Variants in PNPT1 observed in about 807,000 individuals in gnomAD.
The protein encoded by PNPT1 is polyribonucleotide nucleotidyltransferase 1.
In PNPT1, 53 loss-of-function variants were observed where a neutral mutation model predicts 119.5. That is an observed-to-expected ratio of 0.44 (90% CI 0.36 to 0.56). The LOEUF (loss-of-function observed/expected upper bound fraction) is 0.56, where lower values mean the gene tolerates loss of function less well. Among genes scored for constraint, PNPT1 ranks in the 20% least tolerant of loss-of-function variants. The pLI is 0.00. For missense variants in PNPT1, 948 were observed against 938.5 expected, an observed-to-expected ratio of 1.01 and a Z score of -0.13; for synonymous variants, 357 against 322.1, an observed-to-expected ratio of 1.11 and a Z score of -1.16.
At chr2:55,643,506 G>A (rs1475743022) in intron 23 of PNPT1, 81 bp from the exon 24 acceptor site, 13 of 1,180,686 alleles carry the variant, frequency 1.1e-5, no homozygotes, top group Admixed American at 3.7e-5. Context: ...GCACTCTGGG[G>A]GGCTGAGGTG....
intron 18 of PNPT1, among the ~76,000 whole-genome samples, chr2:55,651,885 C>CAAAAAAAAA: frequency 9.2e-4 from 110 of 119,684 alleles, no homozygotes; most frequent in Non-Finnish European, 1.4e-3. Context: ...AAAGGAAAGT[C>CAAAAAAAAA]AAAAAAAAAA....
At position 55,656,432 on chromosome 2, in the gene PNPT1, T is replaced by A. The variant is rs555190221; in HGVS notation, c.1285-61A>T. The A allele has an allele frequency of 1.3e-5, 18 of 1,434,768 alleles. No homozygotes were observed. In the South Asian group the frequency reaches 2.0e-4, roughly 16 times the overall value. 88.9% of individuals were successfully genotyped at this position (1,434,768 alleles called of 1,614,324 possible). A position where few individuals can be genotyped will look rare whatever the true frequency, so the allele number is the denominator to read the frequency against. On this transcript the variant is annotated intron_variant, in intron 15 of 27. Coordinates refer to ENST00000447944, the MANE Select transcript of PNPT1 (RefSeq NM_033109.5). The stretch of plus-strand genomic sequence containing the variant: ...TTGACATAGAAAGATGTCCAAGTTA[T>A]ATTACCAAAATAATAAAACAACTTA...
In PNPT1 at chr2:55,643,309, C is replaced by T. The variant is rs368984744; in HGVS notation, c.2013+10G>A. ...CTATATGATACGTAATTAATATGAT[C>T]TATACTTACATCATCCTTGCAGATT... On this transcript the variant is annotated intron_variant, in intron 24 of 27. Transcript: ENST00000447944. The T allele has an allele frequency of 1.9e-6, 3 of 1,611,110 alleles. No homozygotes were observed. In the African/African-American group the frequency reaches 4.0e-5, roughly 22 times the overall value.
chr2:55,651,212 C>T (rs1213555036), intron 18 of PNPT1, among the ~76,000 whole-genome samples: 5 of 150,702 alleles, frequency 3.3e-5, no homozygotes, highest in African/African-American at 9.8e-5. Context: ...CGCCTCTGCC[C>T]GGCCGCCCCT....
chr2:55,639,834 C>T (rs1036848281), intron 26 of PNPT1, among the ~76,000 whole-genome samples: 1 of 152,106 alleles, frequency 6.6e-6, no homozygotes, highest in Non-Finnish European at 1.5e-5. Context: ...ATCCAATTTT[C>T]TTCTAGTAAA....
chr2:55,672,131 A>G, intron 9 of PNPT1, 85 bp from the exon 10 acceptor site: 2 of 1,007,360 alleles, frequency 2.0e-6, no homozygotes, highest in South Asian at 3.1e-5. Context: ...GAAATATTTA[A>G]TAATAATCAG....
chr2:55,650,396 C>G (rs538123594), intron 18 of PNPT1, among the ~76,000 whole-genome samples: 1 of 152,234 alleles, frequency 6.6e-6, no homozygotes, highest in African/African-American at 2.4e-5. Flanking sequence ...CCGCTAGCCT[C>G]GGCATCCTGA....
rs760686556 is a variant in PNPT1 at position 55,647,457 on chromosome 2, T to A, written c.1496-4A>T. The A allele has an allele frequency of 6.3e-7, 1 of 1,599,664 alleles. No homozygotes were observed. Among genetic ancestry groups the A allele is most frequent in the Non-Finnish European group, 8.5e-7 (1 of 1,172,606 alleles). On this transcript the variant is annotated splice_polypyrimidine_tract_variant and splice_region_variant and intron_variant, in intron 18 of 27. Transcript: ENST00000447944. ...ACAGCAGATGAAATTGGAACCCCTATAATTGGGAAAAAGAACAACTGTGGG... is the reference window on the plus strand; with the variant it reads ...ACAGCAGATGAAATTGGAACCCCTAAAATTGGGAAAAAGAACAACTGTGGG...
chr2:55,668,269 C>T (rs1696801295), intron 11 of PNPT1, among the ~76,000 whole-genome samples: 1 of 152,212 alleles, frequency 6.6e-6, no homozygotes, highest in Admixed American at 6.5e-5. Context: ...CAAAGTCTCA[C>T]TCTGTTGTCC....
At chr2:55,680,425 T>TAAAAAAAAA in intron 7 of PNPT1, among the ~76,000 whole-genome samples, 1 of 132,232 alleles carries the variant, frequency 7.6e-6, no homozygotes, top group Non-Finnish European at 1.6e-5. Context: ...ATTTCCCAGT[T>TAAAAAAAAA]AAAAAAAAAA....
intron 11 of PNPT1, among the ~76,000 whole-genome samples, chr2:55,668,436 C>T (rs1251037991): frequency 2.6e-5 from 4 of 152,048 alleles, no homozygotes; most frequent in African/African-American, 9.7e-5. Flanking sequence ...CGGGGTTTTA[C>T]CATGTGGCCC....
intron 13 of PNPT1, among the ~76,000 whole-genome samples, chr2:55,665,869 A>G (rs922058869): frequency 3.9e-5 from 6 of 152,362 alleles, no homozygotes; most frequent in Admixed American, 2.0e-4. Flanking sequence ...TACACAGAAC[A>G]ATGAATACAG....
intron 20 of PNPT1, 38 bp from the exon 21 acceptor site, chr2:55,646,360 C>A: frequency 6.2e-7 from 1 of 1,602,716 alleles, no homozygotes. Flanking sequence ...TAAATATTGA[C>A]TCATGGCATT....
intron 27 of PNPT1, 109 bp from the exon 28 acceptor site, chr2:55,636,501 C>T: frequency 8.5e-7 from 1 of 1,174,398 alleles, no homozygotes; most frequent in East Asian, 2.5e-5. Flanking sequence ...ATTGTTTTTA[C>T]TTGTTCACTG....
chr2:55,648,058 T>G (rs1696056531), intron 18 of PNPT1, among the ~76,000 whole-genome samples: 1 of 152,244 alleles, frequency 6.6e-6, no homozygotes, highest in Admixed American at 6.5e-5. Flanking sequence ...TCTTATTTTC[T>G]TTTTGTTGGA....
rs113175025 is a variant in PNPT1 at position 55,641,262 on chromosome 2, C to T, written c.2070-557G>A. Among the ~76,000 whole-genome samples, 276 of 149,362 alleles carry T rather than the reference C, an allele frequency of 1.8e-3. 4 individuals carry two copies. The highest frequency in any genetic ancestry group is 6.1e-3 in the African/African-American group (250 of 40,714). On this transcript the variant is annotated intron_variant, in intron 25 of 27. Transcript: ENST00000447944. ...TTAGAATATATGTTCTTCTGTATTT[C>T]TCTTAACAATTTCCAAAAACATTTT...
At chr2:55,686,498 C>G in intron 2 of PNPT1, 54 bp from the exon 3 acceptor site, 2 of 1,358,630 alleles carry the variant, frequency 1.5e-6, no homozygotes, top group Non-Finnish European at 2.1e-6. Context: ...ATATTAGCAT[C>G]TAAGTAGCAA....
chr2:55,666,126 T>C (rs1367249353), intron 13 of PNPT1, among the ~76,000 whole-genome samples: 1 of 152,180 alleles, frequency 6.6e-6, no homozygotes, highest in Non-Finnish European at 1.5e-5. Flanking sequence ...CAGATAATTC[T>C]AGAAAATGCA....
At chr2:55,678,414 T>C (rs1421402450) in intron 8 of PNPT1, among the ~76,000 whole-genome samples, 1 of 152,250 alleles carries the variant, frequency 6.6e-6, no homozygotes, top group African/African-American at 2.4e-5. Flanking sequence ...GCTATAGTCA[T>C]GTGCCACAGT....
Sources: gnomAD v4.1 joint callset for allele counts (sites outside exome capture counted in the v4.1 genomes callset) on GRCh38, gnomAD v4.1.1 for gene constraint, MANE v1.5 for transcripts, NCBI Gene and HGNC (gene_info 2026-07-23, HGNC 2026-07-21) for gene names.